RYR2: variants seen among roughly 807,000 people sequenced by gnomAD.
The protein encoded by RYR2 is ryanodine receptor 2, also known as cardiac muscle ryanodine receptor-calcium release channel.
Under a neutral mutation model 601.1 loss-of-function variants are expected in RYR2, and 227 were observed. The observed-to-expected ratio is 0.38, with a 90% CI of 0.34 to 0.42. The LOEUF is 0.42. Among genes scored for constraint, RYR2 ranks in the 10% least tolerant of loss-of-function variants. RYR2 has a pLI of 1.00. For missense variants in RYR2, 4,646 were observed against 6,156.5 expected (o/e 0.75, Z 8.21); for synonymous variants, 2,223 against 2,175.1 (o/e 1.02, Z -0.61).
At chr1:237,800,169 AAAAT>A (rs1282993800) in intron 97 of RYR2, 2 of 152,236 alleles carry the variant, frequency 1.3e-5, no homozygotes, top group African/African-American at 2.4e-5. Flanking sequence ...CTTTTAAAAT[AAAAT>A]AAATAAGAAA....
At chr1:237,062,158 A>G (rs1184057645) in intron 1 of RYR2, among the ~76,000 whole-genome samples, 1 of 152,138 alleles carries the variant, frequency 6.6e-6, no homozygotes, top group Non-Finnish European at 1.5e-5. Flanking sequence ...GTTTTGTTAT[A>G]TGTTGGTGTT....
At chr1:237,267,067 C>T (rs78635792) in intron 1 of RYR2, among the ~76,000 whole-genome samples, 9,315 of 152,232 alleles carry the variant, frequency 0.061, 317 homozygotes, top group South Asian at 0.14. Context: ...AAATCCATTC[C>T]TTTCCCTTAG....
chr1:237,590,134 G>A, intron 30 of RYR2, 133 bp downstream of exon 30: 1 of 807,408 alleles, frequency 1.2e-6, no homozygotes, highest in Non-Finnish European at 1.9e-6. Flanking sequence ...TATAGTAGTG[G>A]AATCTAAGCA....
chr1:237,653,602 A>C (rs1462002126), intron 51 of RYR2, among the ~76,000 whole-genome samples: 1 of 152,210 alleles, frequency 6.6e-6, no homozygotes, highest in Non-Finnish European at 1.5e-5. Context: ...CAGAACTAAT[A>C]GGATAGATGT....
intron 78 of RYR2, among the ~76,000 whole-genome samples, chr1:237,733,142 G>T (rs1690838058): frequency 1.3e-5 from 2 of 152,166 alleles, no homozygotes; most frequent in East Asian, 3.8e-4. Flanking sequence ...CATGGCTGAA[G>T]TTTAAAACTG....
At chr1:237,066,350 A>G (rs879042408) in intron 1 of RYR2, among the ~76,000 whole-genome samples, 1 of 152,236 alleles carries the variant, frequency 6.6e-6, no homozygotes, top group Admixed American at 6.5e-5. Context: ...ATAAATGCCC[A>G]GGAATATGTT....
intron 73 of RYR2, among the ~76,000 whole-genome samples, chr1:237,721,998 T>C (rs1011685128): frequency 1.3e-5 from 2 of 152,204 alleles, no homozygotes; most frequent in Non-Finnish European, 2.9e-5. Flanking sequence ...AAAAGTAAAA[T>C]GTGTAGACTC....
intron 2 of RYR2, among the ~76,000 whole-genome samples, chr1:237,288,661 G>GC (rs1041886443): frequency 2.0e-5 from 3 of 152,062 alleles, no homozygotes; most frequent in South Asian, 2.1e-4. Context: ...CTCCCACTGT[G>GC]CCCCCCAACA....
chr1:237,628,444 C>T (rs1679911685), intron 41 of RYR2, among the ~76,000 whole-genome samples: 1 of 146,120 alleles, frequency 6.8e-6, no homozygotes. Context: ...TTGTTCAATT[C>T]CCACCTATGA....
intron 1 of RYR2, among the ~76,000 whole-genome samples, chr1:237,224,943 C>G (rs1160357821): frequency 6.6e-6 from 1 of 152,122 alleles, no homozygotes; most frequent in Admixed American, 6.6e-5. Context: ...CGAAATTTGC[C>G]CACAGTTTAT....
chr1:237,467,902 A>C (rs537597368), intron 16 of RYR2, among the ~76,000 whole-genome samples: 2 of 141,184 alleles, frequency 1.4e-5, no homozygotes, highest in Non-Finnish European at 3.0e-5. Flanking sequence ...ACTGTCTCTC[A>C]GACTGGAGTG....
chr1:237,446,535 T>A (rs1466813911), intron 14 of RYR2, among the ~76,000 whole-genome samples: 6 of 134,912 alleles, frequency 4.4e-5, no homozygotes, highest in African/African-American at 1.5e-4. Flanking sequence ...TTGTAGTAGT[T>A]GAATTGGTAA....
chr1:237,603,162 T>C (rs1676699191), intron 35 of RYR2, among the ~76,000 whole-genome samples: 1 of 152,192 alleles, frequency 6.6e-6, no homozygotes, highest in African/African-American at 2.4e-5. Flanking sequence ...TTAGTGACGT[T>C]CATGAATGGA....
Position 237,154,870 on chromosome 1 carries a change from T to C in RYR2, c.48+112301T>C, listed in dbSNP as rs75014123. Among the ~76,000 whole-genome samples the C allele has an allele frequency of 7.3e-3, 1,105 of 152,326 alleles. 13 individuals are homozygous for C. The highest frequency in any genetic ancestry group is 0.025 in the African/African-American group (1,029 of 41,556). ...GTTAAAGTTCCTCAAAACAGTTGTTTAAGTTCCTCTGTAGCAGGCCACCAT... is the reference window on the plus strand; with the variant it reads ...GTTAAAGTTCCTCAAAACAGTTGTTCAAGTTCCTCTGTAGCAGGCCACCAT... On this transcript the variant is annotated intron_variant, in intron 1 of 104. Coordinates refer to ENST00000366574, the MANE Select transcript of RYR2 (RefSeq NM_001035.3).
chr1:237,742,261 T>A, intron 79 of RYR2, 35 bp from the exon 80 acceptor site: 2 of 1,381,886 alleles, frequency 1.4e-6, no homozygotes, highest in Non-Finnish European at 9.9e-7. Flanking sequence ...CTCAACATAT[T>A]CCTGTCTCCT....
In RYR2 at chr1:237,673,588, T is replaced by C. The variant is rs144728946; in HGVS notation, c.8591-508T>C. Among the ~76,000 whole-genome samples, 575 of 152,286 alleles carry C rather than the reference T, an allele frequency of 3.8e-3. 2 individuals are homozygous for C. The highest frequency in any genetic ancestry group is 0.013 in the African/African-American group (548 of 41,566). ...TGTAGCACATCTACATATGGTTTTG[T>C]GTATTTATAAATAATGTGACTATGA... On this transcript the variant is annotated intron_variant, in intron 58 of 104. Transcript: ENST00000366574.
At chr1:237,128,289 A>C (rs1671765183) in intron 1 of RYR2, among the ~76,000 whole-genome samples, 1 of 152,204 alleles carries the variant, frequency 6.6e-6, no homozygotes, top group Non-Finnish European at 1.5e-5. Context: ...CAGGAGAATC[A>C]GGCAGGGAGG....
intron 75 of RYR2, 137 bp downstream of exon 75, chr1:237,726,445 G>C (rs1374117314): frequency 4.7e-6 from 3 of 639,274 alleles, no homozygotes; most frequent in South Asian, 1.9e-5. Context: ...TAACTTGCTT[G>C]CATCATTTAT....
chr1:237,410,458 T>A (rs764618281), intron 10 of RYR2, among the ~76,000 whole-genome samples: 3 of 151,914 alleles, frequency 2.0e-5, no homozygotes, highest in Non-Finnish European at 4.4e-5. Context: ...AAATGACCAA[T>A]AATATGGGTA....
Sources: gnomAD v4.1 joint callset for allele counts (sites outside exome capture counted in the v4.1 genomes callset) on GRCh38, gnomAD v4.1.1 for gene constraint, MANE v1.5 for transcripts, NCBI Gene and HGNC (gene_info 2026-07-23, HGNC 2026-07-21) for gene names.